EPHA6: variants seen among roughly 807,000 people sequenced by gnomAD.
EPHA6 encodes ephrin type-A receptor 6.
EPHA6 carries 50 observed loss-of-function variants against 112.0 expected under a neutral mutation model. The observed-to-expected ratio is 0.45, with a 90% CI of 0.36 to 0.56. The LOEUF (loss-of-function observed/expected upper bound fraction) is 0.56, where lower values mean the gene tolerates loss of function less well. Among genes scored for constraint, EPHA6 ranks in the 20% least tolerant of loss-of-function variants. The pLI is 0.00. For missense variants in EPHA6, 1,280 were observed against 1,417.4 expected (o/e 0.90, Z 1.56); for synonymous variants, 529 against 490.7 (o/e 1.08, Z -1.03).
chr3:97,495,017 T>C lies in EPHA6; in HGVS notation c.2200+10958T>C, dbSNP rs139993352. On this transcript the variant is annotated intron_variant, in intron 10 of 17. Coordinates refer to ENST00000389672, the MANE Select transcript of EPHA6 (RefSeq NM_001080448.3). ...TACTCCAAATGTTTTCTAATCAATG[T>C]GAGAACACAGGGATAGCACGTTTCC... 1.6e-4 allele frequency among the ~76,000 whole-genome samples: 25 copies of C among 152,298 alleles called. No individual in the cohort carries two copies. In the East Asian group the frequency reaches 3.9e-3, roughly 24 times the overall value.
At chr3:97,216,476 T>A (rs1457684742) in intron 3 of EPHA6, among the ~76,000 whole-genome samples, 1 of 152,106 alleles carries the variant, frequency 6.6e-6, no homozygotes, top group African/African-American at 2.4e-5. Context: ...GTCAACAAAT[T>A]TCAGAAAATG....
At chr3:96,954,178 G>A (rs2041665699) in intron 2 of EPHA6, among the ~76,000 whole-genome samples, 1 of 152,078 alleles carries the variant, frequency 6.6e-6, no homozygotes, top group South Asian at 2.1e-4. Context: ...CCAGCCTTCA[G>A]TAGCATCTTA....
At chr3:97,226,796 G>T (rs1168092227) in intron 4 of EPHA6, among the ~76,000 whole-genome samples, 2 of 152,136 alleles carry the variant, frequency 1.3e-5, no homozygotes, top group Admixed American at 6.5e-5. Context: ...TATCAATTTA[G>T]GACCATATAG....
chr3:97,392,967 G>A (rs1225914617), intron 5 of EPHA6, among the ~76,000 whole-genome samples: 2 of 151,666 alleles, frequency 1.3e-5, no homozygotes, highest in African/African-American at 4.8e-5. Context: ...ATTATCATAT[G>A]TAATTTGTAT....
At chr3:96,908,453 T>C (rs1299035252) in intron 2 of EPHA6, among the ~76,000 whole-genome samples, 1 of 151,998 alleles carries the variant, frequency 6.6e-6, no homozygotes, top group East Asian at 1.9e-4. Flanking sequence ...ATAGCTTCTT[T>C]ATAAGCTTGA....
chr3:97,054,769 T>C (rs996602811), intron 3 of EPHA6, among the ~76,000 whole-genome samples: 2 of 152,130 alleles, frequency 1.3e-5, no homozygotes, highest in Admixed American at 1.3e-4. Flanking sequence ...TACTAAATTT[T>C]ATTTAGCCTG....
Position 97,751,908 on chromosome 3 carries a change from C to G in EPHA6, c.*3207C>G, listed in dbSNP as rs2035910888. ...TTTATTTCTAGATGGTCAATTTTGT[C>G]TATGGTGAACTCATTATCTCATAGT... On this transcript the variant is annotated 3_prime_UTR_variant, in exon 18 of 18. Coordinates refer to ENST00000389672, the MANE Select transcript of EPHA6 (RefSeq NM_001080448.3). 6.6e-6 allele frequency among the ~76,000 whole-genome samples: 1 copy of G among 152,004 alleles called. No individual in the cohort carries two copies. The highest frequency in any genetic ancestry group is 1.5e-5 in the Non-Finnish European group (1 of 67,942).
At chr3:97,326,220 T>C (rs2082412658) in intron 5 of EPHA6, among the ~76,000 whole-genome samples, 1 of 151,950 alleles carries the variant, frequency 6.6e-6, no homozygotes, top group Non-Finnish European at 1.5e-5. Flanking sequence ...AATCTAGAAA[T>C]ATTTTCATGG....
At chr3:96,960,297 T>C (rs2041908983) in intron 2 of EPHA6, among the ~76,000 whole-genome samples, 1 of 152,100 alleles carries the variant, frequency 6.6e-6, no homozygotes. Flanking sequence ...TTGAAGTCAG[T>C]ATCCTCATCT....
At chr3:97,506,087 T>A (rs573730517) in intron 10 of EPHA6, among the ~76,000 whole-genome samples, 1 of 152,330 alleles carries the variant, frequency 6.6e-6, no homozygotes, top group African/African-American at 2.4e-5. Flanking sequence ...ATATTAGCTC[T>A]TTGTCAGATG....
chr3:97,243,057 A>G (rs1250217433), intron 4 of EPHA6, among the ~76,000 whole-genome samples: 2 of 151,808 alleles, frequency 1.3e-5, no homozygotes, highest in Non-Finnish European at 2.9e-5. Context: ...GATTATTCAC[A>G]CAATTTTAAG....
At chr3:96,974,618 G>A (rs2042449144) in intron 2 of EPHA6, among the ~76,000 whole-genome samples, 1 of 151,904 alleles carries the variant, frequency 6.6e-6, no homozygotes, top group African/African-American at 2.4e-5. Flanking sequence ...AGAATATCTT[G>A]CAAACTACAT....
intron 3 of EPHA6, among the ~76,000 whole-genome samples, chr3:97,176,728 T>G (rs2076845987): frequency 6.6e-6 from 1 of 151,982 alleles, no homozygotes; most frequent in African/African-American, 2.4e-5. Context: ...TTTTGCAGTA[T>G]TAGTTGTAAT....
chr3:97,439,498 T>C, intron 6 of EPHA6: 1 of 324,238 alleles, frequency 3.1e-6, no homozygotes, highest in African/African-American at 2.2e-5. Flanking sequence ...ATTAGAAATT[T>C]CTTCTTGTGC....
At chr3:97,071,230 A>AT (rs1188407322) in intron 3 of EPHA6, among the ~76,000 whole-genome samples, 1 of 152,034 alleles carries the variant, frequency 6.6e-6, no homozygotes, top group Admixed American at 6.6e-5. Context: ...TTGTCCTAAG[A>AT]TAAAAATAAC....
chr3:96,911,368 G>A (rs917413255), intron 2 of EPHA6, among the ~76,000 whole-genome samples: 7 of 152,046 alleles, frequency 4.6e-5, no homozygotes, highest in East Asian at 1.9e-4. Context: ...TCACTTTAAT[G>A]TAAGAATACG....
chr3:97,306,362 C>A (rs1055370819), intron 5 of EPHA6, among the ~76,000 whole-genome samples: 5 of 148,542 alleles, frequency 3.4e-5, no homozygotes, highest in Non-Finnish European at 7.4e-5. Flanking sequence ...CTCCACTTGA[C>A]GGTTTTCTCT....
chr3:97,598,317 A>C (rs2093611806), intron 12 of EPHA6, among the ~76,000 whole-genome samples: 1 of 151,362 alleles, frequency 6.6e-6, no homozygotes, highest in African/African-American at 2.4e-5. Context: ...CACATTGTGC[A>C]GGTTAATTAC....
chr3:97,139,232 C>A (rs894337112), intron 3 of EPHA6, among the ~76,000 whole-genome samples: 1 of 152,108 alleles, frequency 6.6e-6, no homozygotes, highest in African/African-American at 2.4e-5. Flanking sequence ...TCTTGATTAA[C>A]AAAGGGCAAG....
Sources: gnomAD v4.1 joint callset for allele counts (sites outside exome capture counted in the v4.1 genomes callset) on GRCh38, gnomAD v4.1.1 for gene constraint, MANE v1.5 for transcripts, NCBI Gene and HGNC (gene_info 2026-07-23, HGNC 2026-07-21) for gene names.